The following PCDHA4 variants were observed in gnomAD, a reference collection of about 807,000 sequenced individuals.
PCDHA4 encodes the protein protocadherin alpha-4.
A neutral mutation model predicts 61.4 loss-of-function variants in PCDHA4; 49 were observed. The ratio of observed to expected loss-of-function variants is 0.80; its 90% CI spans 0.63 to 1.01. PCDHA4 has a LOEUF of 1.01. PCDHA4 is among the 50% of genes least tolerant of loss of function. The pLI, the probability that PCDHA4 is intolerant of heterozygous loss-of-function variation, is 0.00. For synonymous variants in PCDHA4, 590 were observed against 550.3 expected (o/e 1.07, Z -1.01); for missense variants, 1,254 against 1,235.8 (o/e 1.01, Z -0.22).
Position 140,807,850 on chromosome 5 carries a change from G to T in PCDHA4, c.663G>T (p.Glu221Asp). 2 of 1,614,168 alleles carry T rather than the reference G, an allele frequency of 1.2e-6. No homozygotes were observed. Among genetic ancestry groups the T allele is most frequent in the South Asian group, 2.2e-5 (2 of 91,086 alleles). ...VLTATDGGKP[E>D]LTGTVQLLIT... ...CAGCCACTGATGGAGGCAAACCCGA[G>T]TTGACTGGCACCGTTCAGTTACTCA... The change falls in exon 1 of 4, where the codon GAG (glutamate) becomes GAT (aspartate). Residue 221 changes from glutamate (E) to aspartate (D), a missense_variant. Coordinates refer to ENST00000530339, the MANE Select transcript of PCDHA4 (RefSeq NM_018907.4).
chr5:140,972,884 G>A (rs763416041), intron 1 of PCDHA4, among the ~76,000 whole-genome samples: 4 of 151,972 alleles, frequency 2.6e-5, no homozygotes, highest in African/African-American at 7.3e-5. Flanking sequence ...GGATGGTCTC[G>A]ATCTCTTGAC....
intron 1 of PCDHA4, among the ~76,000 whole-genome samples, chr5:140,827,179 C>T (rs1458570601): frequency 2.6e-5 from 4 of 152,026 alleles, no homozygotes; most frequent in Non-Finnish European, 4.4e-5. Context: ...CAATAAAAGT[C>T]TTATTCAAAA....
intron 1 of PCDHA4, chr5:140,968,616 A>G (rs782318101): frequency 6.2e-7 from 1 of 1,614,154 alleles, no homozygotes; most frequent in Admixed American, 1.7e-5. Flanking sequence ...TCTGGGCAAA[A>G]TGCTTGGCTT....
intron 1 of PCDHA4, among the ~76,000 whole-genome samples, chr5:140,903,825 C>A (rs1367828043): frequency 2.0e-5 from 3 of 152,092 alleles, no homozygotes; most frequent in Admixed American, 2.0e-4. Flanking sequence ...ACATGAATGT[C>A]TGTTGGTATT....
At chr5:140,812,312 C>T (rs1765081037) in intron 1 of PCDHA4, 1 of 151,832 alleles carries the variant, frequency 6.6e-6, no homozygotes, top group Admixed American at 6.6e-5. Flanking sequence ...TTTTAAAAGC[C>T]TCTTATAATT....
At chr5:140,819,718 T>C (rs1173978275) in intron 1 of PCDHA4, among the ~76,000 whole-genome samples, 1 of 152,088 alleles carries the variant, frequency 6.6e-6, no homozygotes, top group African/African-American at 2.4e-5. Flanking sequence ...AAATATAATT[T>C]AACAGATATG....
intron 1 of PCDHA4, among the ~76,000 whole-genome samples, chr5:140,819,153 C>T (rs2150103261): frequency 8.5e-5 from 13 of 152,206 alleles, no homozygotes; most frequent in African/African-American, 3.1e-4. Context: ...AATTTTTATA[C>T]AGAATTAATT....
Position 140,807,749 on chromosome 5 carries a change from CT to C in PCDHA4, c.563del (p.Leu188ArgfsTer2), listed in dbSNP as rs1764025212. 1 of 1,614,138 alleles carries C rather than the reference CT, an allele frequency of 6.2e-7. No individual in the cohort carries two copies. Among genetic ancestry groups the C allele is most frequent in the Non-Finnish European group, 8.5e-7 (1 of 1,180,032 alleles). On this transcript the variant is annotated frameshift_variant, in exon 1 of 4. Coordinates refer to ENST00000530339, the MANE Select transcript of PCDHA4 (RefSeq NM_018907.4). LOFTEE classifies it high-confidence loss of function. ...TCTGGAAAAACCACCTGATGACGAG[CT>C]GGTAAAAGGTCTTGGGCTTATATTA... ...FSLEKPPDDELVKGLGLILRK... is the reference protein window; with the variant it reads ...FSLEKPPDDEXVKGLGLILRK...
chr5:140,953,528 C>T (rs2094898852), intron 1 of PCDHA4, among the ~76,000 whole-genome samples: 1 of 152,112 alleles, frequency 6.6e-6, no homozygotes, highest in Non-Finnish European at 1.5e-5. Context: ...AAACGGGAAA[C>T]TCACTTCATG....
At chr5:140,913,166 G>C (rs1357125827) in intron 1 of PCDHA4, among the ~76,000 whole-genome samples, 2 of 152,160 alleles carry the variant, frequency 1.3e-5, no homozygotes, top group African/African-American at 4.8e-5. Flanking sequence ...ATTGGTATTA[G>C]TTCTTCTTTA....
rs2150411211 is a variant in PCDHA4, at chr5:140,848,488, T to C, written c.2385+38916T>C. The C allele has an allele frequency of 1.0e-5, 16 of 1,574,158 alleles. 1 individual carries two copies. The highest frequency in any genetic ancestry group is 3.4e-4 in the Middle Eastern group (2 of 5,918). On this transcript the variant is annotated intron_variant, in intron 1 of 3. Coordinates refer to ENST00000530339, the MANE Select transcript of PCDHA4 (RefSeq NM_018907.4). ...TTTCACTAATTAGAAGAAGACTGAG[T>C]ATTTGAAATGTTATACTCAAGTCGA... is the stretch of plus-strand genomic sequence containing the variant.
intron 1 of PCDHA4, chr5:140,830,224 G>C (rs2150182996): frequency 6.2e-7 from 1 of 1,613,900 alleles, no homozygotes; most frequent in African/African-American, 1.3e-5. Context: ...CCAGCCTGCT[G>C]GTCCTCACGC....
intron 3 of PCDHA4, chr5:140,988,797 AT>A (rs1481469131): frequency 2.0e-5 from 3 of 152,116 alleles, no homozygotes; most frequent in African/African-American, 7.2e-5. Context: ...TAATAGAAGA[AT>A]TTCTTCCGTA....
In PCDHA4 at chr5:140,823,200, G is replaced by T. The variant is rs2150123368; in HGVS notation, c.2385+13628G>T. ...ACCCGCCAGGCTGCCACATCTTCAC[G>T]GTGTCTGCACGGGACGCGGACGCGC... On this transcript the variant is annotated intron_variant, in intron 1 of 3. Transcript: ENST00000530339. The T allele has an allele frequency of 9.9e-6, 16 of 1,613,742 alleles. No individual in the cohort carries two copies. In the South Asian group the frequency reaches 1.6e-4, roughly 17 times the overall value.
intron 1 of PCDHA4, chr5:140,830,026 C>T: frequency 1.2e-6 from 2 of 1,613,904 alleles, no homozygotes; most frequent in Non-Finnish European, 1.7e-6. Context: ...CTCCGCGCCA[C>T]CGGCTGCTGG....
chr5:140,836,715 C>T, intron 1 of PCDHA4: 1 of 1,612,974 alleles, frequency 6.2e-7, no homozygotes, highest in Non-Finnish European at 8.5e-7. Flanking sequence ...CAGCCTTCCT[C>T]AGGGTCCATC....
intron 1 of PCDHA4, among the ~76,000 whole-genome samples, chr5:140,827,704 CA>C (rs1554130856): frequency 6.6e-6 from 1 of 152,168 alleles, no homozygotes; most frequent in Non-Finnish European, 1.5e-5. Flanking sequence ...ATTAATGTTG[CA>C]AATATTGGTA....
At chr5:140,810,494 T>A (rs1554125502) in intron 1 of PCDHA4, 1 of 152,242 alleles carries the variant, frequency 6.6e-6, no homozygotes, top group East Asian at 1.9e-4. Context: ...TCTACATTTG[T>A]CAGGTTATTT....
At chr5:140,968,322 C>T (rs782755782) in intron 1 of PCDHA4, 9 of 1,614,122 alleles carry the variant, frequency 5.6e-6, no homozygotes, top group Non-Finnish European at 6.8e-6. Context: ...CTGCCAGTCA[C>T]CTCCTATGTC....
Sources: allele counts gnomAD v4.1 joint callset (sites outside exome capture counted in the v4.1 genomes callset), GRCh38; gene constraint gnomAD v4.1.1; transcripts MANE v1.5; gene names NCBI Gene and HGNC (gene_info 2026-07-23, HGNC 2026-07-21).